NCAPD3: variants seen among roughly 807,000 people sequenced by gnomAD.
NCAPD3 encodes the protein non-SMC condensin II complex subunit D3, also known as condensin-2 complex subunit D3.
In NCAPD3, 105 loss-of-function variants were observed where a neutral mutation model predicts 182.9. The ratio of observed to expected loss-of-function variants is 0.57; its 90% CI spans 0.49 to 0.68. NCAPD3 has a LOEUF of 0.68. Among genes scored for constraint, NCAPD3 ranks in the 30% least tolerant of loss-of-function variants. The pLI, the probability that NCAPD3 is intolerant of heterozygous loss-of-function variation, is 0.00. For synonymous variants in NCAPD3, 815 were observed against 679.9 expected (o/e 1.20, Z -3.09); for missense variants, 1,944 against 1,837.0 (o/e 1.06, Z -1.07).
intron 28 of NCAPD3, 56 bp downstream of exon 28, chr11:134,161,725 T>A: frequency 1.9e-6 from 2 of 1,042,148 alleles, no homozygotes; most frequent in Non-Finnish European, 1.5e-6. Flanking sequence ...TGGCAGAAGA[T>A]CCTAAGTAAT....
intron 2 of NCAPD3, among the ~76,000 whole-genome samples, chr11:134,217,911 C>A (rs1241767696): frequency 6.6e-6 from 1 of 152,018 alleles, no homozygotes; most frequent in Non-Finnish European, 1.5e-5. Flanking sequence ...ACAGCCAGGG[C>A]AACAAAGCAA....
intron 16 of NCAPD3, 48 bp from the exon 17 acceptor site, chr11:134,185,574 A>C (rs1944387424): frequency 6.8e-7 from 1 of 1,462,436 alleles, no homozygotes; most frequent in Non-Finnish European, 9.3e-7. Flanking sequence ...GTAAATATAC[A>C]AAATGATTCA....
At chr11:134,189,936 T>G (rs1288958694) in intron 16 of NCAPD3, among the ~76,000 whole-genome samples, 1 of 152,208 alleles carries the variant, frequency 6.6e-6, no homozygotes, top group Non-Finnish European at 1.5e-5. Context: ...TAGGTGTGGC[T>G]CTTATAAACA....
chr11:134,181,491 C>G (rs1274649056), intron 19 of NCAPD3, among the ~76,000 whole-genome samples: 2 of 152,142 alleles, frequency 1.3e-5, no homozygotes, highest in Admixed American at 1.3e-4. Context: ...TGTAAGAGAT[C>G]TATAATAGTA....
chr11:134,191,384 T>C (rs992375278), intron 16 of NCAPD3, among the ~76,000 whole-genome samples: 8 of 152,150 alleles, frequency 5.3e-5, no homozygotes, highest in South Asian at 4.1e-4. Flanking sequence ...TGGGCAGAGG[T>C]GGCTATCACC....
intron 30 of NCAPD3, 53 bp from the exon 31 acceptor site, chr11:134,158,120 G>C (rs541171565): frequency 3.1e-6 from 5 of 1,590,496 alleles, no homozygotes; most frequent in Non-Finnish European, 4.3e-6. Flanking sequence ...CACTGCAGAG[G>C]TGACAGTGCT....
chr11:134,163,635 A>T (rs1943658440), intron 27 of NCAPD3, among the ~76,000 whole-genome samples: 1 of 147,148 alleles, frequency 6.8e-6, no homozygotes, highest in Non-Finnish European at 1.5e-5. Context: ...AGGGGGGCAG[A>T]GCTTGCACTG....
intron 20 of NCAPD3, among the ~76,000 whole-genome samples, chr11:134,180,021 GA>G (rs564858283): frequency 6.6e-6 from 1 of 151,222 alleles, no homozygotes; most frequent in Non-Finnish European, 1.5e-5. Flanking sequence ...GTTAACAGTT[GA>G]AAAAAACCTG....
chr11:134,220,111 T>A (rs1451094137), intron 2 of NCAPD3, among the ~76,000 whole-genome samples: 1 of 152,164 alleles, frequency 6.6e-6, no homozygotes, highest in Non-Finnish European at 1.5e-5. Flanking sequence ...TTCTTAAAGT[T>A]AAGGTTAAGG....
intron 3 of NCAPD3, 75 bp downstream of exon 3, chr11:134,216,861 C>A: frequency 7.0e-7 from 1 of 1,422,968 alleles, no homozygotes; most frequent in Admixed American, 2.3e-5. Context: ...AAACAAGAAA[C>A]AAAGTATAAG....
chr11:134,224,938 C>A, upstream of NCAPD3: 1 of 303,814 alleles, frequency 3.3e-6, no homozygotes, highest in Non-Finnish European at 5.6e-6. Flanking sequence ...CCCGGCCGTG[C>A]CCCTCCCCCG....
chr11:134,165,522 CACTT>C (rs1380141742), intron 27 of NCAPD3, among the ~76,000 whole-genome samples: 7 of 146,488 alleles, frequency 4.8e-5, no homozygotes, highest in South Asian at 2.2e-4. Flanking sequence ...GCAGCACACT[CACTT>C]GTGAGATGAG....
intron 32 of NCAPD3, among the ~76,000 whole-genome samples, chr11:134,155,071 G>C (rs962826425): frequency 6.6e-6 from 1 of 152,186 alleles, no homozygotes; most frequent in African/African-American, 2.4e-5. Context: ...CGTCCCCCAT[G>C]CACTGTGCGT....
At chr11:134,169,109 T>G in intron 24 of NCAPD3, 55 bp from the exon 25 acceptor site, 1 of 1,556,722 alleles carries the variant, frequency 6.4e-7, no homozygotes. Context: ...ACCAACAGTC[T>G]CTGAATACAC....
intron 24 of NCAPD3, among the ~76,000 whole-genome samples, chr11:134,174,124 C>T (rs1012833179): frequency 1.1e-4 from 16 of 152,144 alleles, no homozygotes; most frequent in Admixed American, 2.0e-4. Flanking sequence ...GCTGTGGTGA[C>T]TCAAGCCTGT....
Position 134,158,053 on chromosome 11 carries a change from C to T in NCAPD3, c.4049G>A (p.Ser1350Asn). 1 of 1,613,948 alleles carries T rather than the reference C, an allele frequency of 6.2e-7. No homozygotes were observed. The highest frequency in any genetic ancestry group is 1.7e-5 in the Admixed American group (1 of 59,994). Residue 1350 changes from serine to asparagine, a missense_variant, in exon 31 of 35, where the codon AGC (serine) becomes AAC (asparagine). By Grantham distance (46) the Ser-to-Asn change is conservative. Around this residue, in one of 3 missense-constraint regions of NCAPD3, gnomAD observed 1,803 missense variants for 1,674.6 expected, o/e 1.08. Transcript: ENST00000534548. ...GACAGAATTCAGGATTGCAATGGTG[C>T]TCAGGGACATGGGCCTGTGGAGAAC... ...LLPKARPMSL[S>N]TIAILNSVKK...
intron 19 of NCAPD3, 30 bp from the exon 20 acceptor site, chr11:134,181,214 G>C (rs1228628441): frequency 6.8e-7 from 1 of 1,460,422 alleles, no homozygotes; most frequent in East Asian, 2.3e-5. Context: ...ATCTCTGAAG[G>C]GCCCCGCACA....
chr11:134,209,274 C>T (rs1341057179), intron 5 of NCAPD3, 39 bp downstream of exon 5: 1 of 1,609,504 alleles, frequency 6.2e-7, no homozygotes, highest in African/African-American at 1.3e-5. Flanking sequence ...TAGTCTAATC[C>T]TTTGAAGTTG....
chr11:134,211,184 T>C (rs1937820554), intron 3 of NCAPD3, among the ~76,000 whole-genome samples: 2 of 152,144 alleles, frequency 1.3e-5, no homozygotes, highest in South Asian at 4.1e-4. Context: ...ACCTTAACAG[T>C]AGGGCTAAAC....
Sources: allele counts gnomAD v4.1 joint callset (sites outside exome capture counted in the v4.1 genomes callset), GRCh38; gene constraint gnomAD v4.1.1; regional missense constraint gnomAD v4.1.1; transcripts MANE v1.5; gene names NCBI Gene and HGNC (gene_info 2026-07-23, HGNC 2026-07-21).